The following BPIFB1 variants were observed in gnomAD, a reference collection of about 807,000 sequenced individuals.
BPIFB1 encodes BPI fold containing family B member 1.
In BPIFB1, 34 loss-of-function variants were observed where a neutral mutation model predicts 55.1. The observed-to-expected ratio is 0.62, with a 90% confidence interval of 0.47 to 0.82. The LOEUF (loss-of-function observed/expected upper bound fraction) is 0.82. Among genes scored for constraint, BPIFB1 ranks in the 40% least tolerant of loss-of-function variants. The pLI, the probability that BPIFB1 is intolerant of heterozygous loss-of-function variation, is 0.00. For synonymous variants in BPIFB1, 236 were observed against 245.3 expected, an observed-to-expected ratio of 0.96 and a Z score of 0.35; for missense variants, 532 against 593.1, an observed-to-expected ratio of 0.90 and a Z score of 1.07.
chr20:33,304,787 A>G lies in BPIFB1; in HGVS notation c.1209-59A>G, dbSNP rs966523925. The G allele has an allele frequency of 3.8e-6, 6 of 1,599,174 alleles. No homozygotes were observed. The African/African-American group carries it at 8.1e-5, about 21-fold the overall frequency. ...GTGCTCAATAAATCGCTGTTGAATG[A>G]GTGGATGGTGAATGAGTGGGACTTC... On this transcript the variant is annotated intron_variant, in intron 12 of 15. Transcript: ENST00000253354.
intron 7 of BPIFB1, chr20:33,299,265 C>T (rs1980764531): frequency 2.3e-6 from 1 of 441,386 alleles, no homozygotes; most frequent in Non-Finnish European, 4.7e-6. Flanking sequence ...CACTCCCCAT[C>T]CTCGGCCATA....
chr20:33,303,503 A>G (rs1980921806), intron 11 of BPIFB1, among the ~76,000 whole-genome samples: 1 of 152,148 alleles, frequency 6.6e-6, no homozygotes, highest in South Asian at 2.1e-4. Context: ...ATATCCTATC[A>G]GCTTGGCAAT....
In BPIFB1 at chr20:33,284,758, T is replaced by C. The variant is rs576061410; in HGVS notation, c.-41-1275T>C. Among the ~76,000 whole-genome samples the C allele has an allele frequency of 3.3e-5, 5 of 152,064 alleles. No homozygotes were observed. The East Asian group carries it at 7.8e-4, about 24-fold the overall frequency. ...AGAGCCAGGGTGCAAGCTGGAGAGC[T>C]CAGGACTGGACTACAGATGTTGATG... On this transcript the variant is annotated intron_variant, in intron 1 of 15. Coordinates refer to ENST00000253354, the MANE Select transcript of BPIFB1 (RefSeq NM_033197.3).
At chr20:33,302,674 T>C (rs1476694901) in intron 10 of BPIFB1, 1 of 623,018 alleles carries the variant, frequency 1.6e-6, no homozygotes, top group African/African-American at 1.8e-5. Context: ...CCTGATACAG[T>C]CTGGGACGTC....
At chr20:33,286,000 C>T (rs997082098) in intron 1 of BPIFB1, 33 bp from the exon 2 acceptor site, 111 of 1,440,840 alleles carry the variant, frequency 7.7e-5, no homozygotes, top group Non-Finnish European at 1.1e-4. Context: ...GCCCTTGGCC[C>T]CTCTGCCTCA....
intron 5 of BPIFB1, 132 bp from the exon 6 acceptor site, chr20:33,291,775 G>C: frequency 1.3e-6 from 1 of 756,680 alleles, no homozygotes; most frequent in Non-Finnish European, 2.2e-6. Context: ...TCCCAGCCCC[G>C]TCTCTAACAC....
At chr20:33,295,951 AGAGG>A (rs1568650353) in intron 6 of BPIFB1, among the ~76,000 whole-genome samples, 6 of 109,834 alleles carry the variant, frequency 5.5e-5, no homozygotes, top group Admixed American at 2.7e-4. Flanking sequence ...AAAAAGAGAG[AGAGG>A]GAGGGAGGGA....
chr20:33,289,769 G>A, intron 3 of BPIFB1, 116 bp from the exon 4 acceptor site: 1 of 877,246 alleles, frequency 1.1e-6, no homozygotes, highest in Non-Finnish European at 1.9e-6. Flanking sequence ...CGGTGGGCAG[G>A]GCCAGGGTCC....
intron 13 of BPIFB1, among the ~76,000 whole-genome samples, chr20:33,305,463 G>A (rs370964415): frequency 2.8e-4 from 43 of 151,696 alleles, no homozygotes; most frequent in African/African-American, 9.9e-4. Context: ...GACTACAGGC[G>A]CCCACCACCA....
At position 33,288,734 on chromosome 20, in the gene BPIFB1, C is replaced by CCTCCAGAG; in HGVS notation, c.116-4_119dup. ...CCTGGGCCCTAATCCCTGGGGTCTGCCTCCAGAGCTGACACAGGAGCTGAA... is the reference window on the plus strand; with the variant it reads ...CCTGGGCCCTAATCCCTGGGGTCTGCCTCCAGAGCTCCAGAGCTGACACAGGAGCTGAA... On this transcript the variant is annotated splice_polypyrimidine_tract_variant and splice_region_variant and intron_variant, in intron 2 of 15. Coordinates refer to ENST00000253354, the MANE Select transcript of BPIFB1 (RefSeq NM_033197.3). The CCTCCAGAG allele has an allele frequency of 6.2e-7, 1 of 1,612,736 alleles. No homozygotes were observed. Among genetic ancestry groups the CCTCCAGAG allele is most frequent in the Non-Finnish European group, 8.5e-7 (1 of 1,179,458 alleles).
At chr20:33,292,482 T>C (rs1980507115) in intron 6 of BPIFB1, among the ~76,000 whole-genome samples, 1 of 152,250 alleles carries the variant, frequency 6.6e-6, no homozygotes, top group African/African-American at 2.4e-5. Context: ...GCAATGCGTT[T>C]TAAATTTTTA....
At chr20:33,308,852 C>G (rs537924488) in intron 15 of BPIFB1, among the ~76,000 whole-genome samples, 154 of 149,798 alleles carry the variant, frequency 1.0e-3, no homozygotes, top group East Asian at 8.3e-3. Context: ...AATACACACA[C>G]CACACACATA....
chr20:33,289,827 T>A, intron 3 of BPIFB1, 58 bp from the exon 4 acceptor site: 1 of 1,485,652 alleles, frequency 6.7e-7, no homozygotes, highest in Non-Finnish European at 9.4e-7. Context: ...AGAGAGGGAG[T>A]GGATTTGGGA....
intron 2 of BPIFB1, among the ~76,000 whole-genome samples, chr20:33,287,208 T>A (rs1980297528): frequency 2.0e-5 from 3 of 152,208 alleles, no homozygotes. Context: ...TGCTTTAGGC[T>A]CTCCTATAAG....
chr20:33,288,770 G>C lies in BPIFB1; in HGVS notation c.145G>C (p.Ala49Pro), dbSNP rs767225361. 1 of 1,613,882 alleles carries C rather than the reference G, an allele frequency of 6.2e-7. No homozygotes were observed. Among genetic ancestry groups the C allele is most frequent in the East Asian group, 2.2e-5 (1 of 44,870 alleles). The part of the protein sequence containing the change: ...KLTQELKDHN[A>P]TSILQQLPLL... ...GACACAGGAGCTGAAGGACCACAAC[G>C]CCACCAGCATCCTGCAGCAGCTGCC... The change falls in exon 3 of 16, where the codon GCC (alanine) becomes CCC (proline). Residue 49 changes from alanine (A) to proline (P), a missense_variant. By Grantham distance (27) the Ala-to-Pro change is conservative. Transcript: ENST00000253354.
intron 14 of BPIFB1, chr20:33,306,545 G>T (rs1981031586): frequency 6.5e-6 from 2 of 309,322 alleles, no homozygotes; most frequent in South Asian, 5.2e-5. Flanking sequence ...TTGAATGAGG[G>T]GTGGGAAGGG....
intron 13 of BPIFB1, among the ~76,000 whole-genome samples, chr20:33,305,652 A>T (rs569013063): frequency 6.6e-6 from 1 of 152,038 alleles, no homozygotes; most frequent in Non-Finnish European, 1.5e-5. Context: ...TCCACATGCA[A>T]ATCAGGACTT....
rs755475606 is a variant in BPIFB1, at chr20:33,292,032, C to G, written c.597+44C>G. The G allele has an allele frequency of 3.8e-6, 6 of 1,572,716 alleles. No homozygotes were observed. In the East Asian group the frequency reaches 1.3e-4, roughly 35 times the overall value. ...TCTCTGGCCTGTGGGCATTGCGCCC[C>G]CTGTGGGGCTTGGGTGGAACTGCAA... is the stretch of plus-strand genomic sequence containing the variant. On this transcript the variant is annotated intron_variant, in intron 6 of 15. Coordinates refer to ENST00000253354, the MANE Select transcript of BPIFB1 (RefSeq NM_033197.3).
Position 33,292,028 on chromosome 20 carries a change from G to A in BPIFB1, c.597+40G>A, listed in dbSNP as rs751274617. ...GGCCTCTCTGGCCTGTGGGCATTGC[G>A]CCCCCTGTGGGGCTTGGGTGGAACT... On this transcript the variant is annotated intron_variant, in intron 6 of 15. Coordinates refer to ENST00000253354, the MANE Select transcript of BPIFB1 (RefSeq NM_033197.3). The A allele has an allele frequency of 1.2e-5, 19 of 1,579,932 alleles. No homozygotes were observed. The South Asian group carries it at 2.0e-4, about 17-fold the overall frequency.
Sources: gnomAD v4.1 joint callset for allele counts (sites outside exome capture counted in the v4.1 genomes callset) on GRCh38, gnomAD v4.1.1 for gene constraint, MANE v1.5 for transcripts, NCBI Gene and HGNC (gene_info 2026-07-23, HGNC 2026-07-21) for gene names.